DCP1A: variants seen among roughly 807,000 people sequenced by gnomAD.
DCP1A encodes decapping mRNA 1A.
In DCP1A, 20 loss-of-function variants were observed where a neutral mutation model predicts 58.0. The observed-to-expected ratio is 0.34, with a 90% CI of 0.24 to 0.50. The LOEUF (loss-of-function observed/expected upper bound fraction) is 0.50, where lower values mean the gene tolerates loss of function less well. Ranked by LOEUF, DCP1A falls within the 20% of genes least tolerant of loss-of-function variation. The pLI, the probability that DCP1A is intolerant of heterozygous loss-of-function variation, is 0.98. For missense variants in DCP1A, 613 were observed against 712.2 expected, an observed-to-expected ratio of 0.86 and a Z score of 1.59; for synonymous variants, 285 against 275.1, an observed-to-expected ratio of 1.04 and a Z score of -0.36.
At chr3:53,320,965 C>T (rs1176343808) in intron 3 of DCP1A, among the ~76,000 whole-genome samples, 1 of 152,248 alleles carries the variant, frequency 6.6e-6, no homozygotes, top group Non-Finnish European at 1.5e-5. Context: ...AAGGGAGACG[C>T]AGAAGTCCCC....
At chr3:53,336,671 G>A (rs1398145956) in intron 3 of DCP1A, among the ~76,000 whole-genome samples, 1 of 152,078 alleles carries the variant, frequency 6.6e-6, no homozygotes, top group Non-Finnish European at 1.5e-5. Context: ...ATCTACATTT[G>A]CTTCTGCCAG....
intron 6 of DCP1A, 144 bp from the exon 7 acceptor site, chr3:53,292,971 T>A: frequency 1.2e-6 from 1 of 805,606 alleles, no homozygotes; most frequent in Non-Finnish European, 1.9e-6. Flanking sequence ...GAAGATATAC[T>A]AAGGATTAAG....
At chr3:53,301,665 A>G (rs997560332) in intron 6 of DCP1A, among the ~76,000 whole-genome samples, 9 of 152,220 alleles carry the variant, frequency 5.9e-5, no homozygotes, top group African/African-American at 2.2e-4. Context: ...TAGGAGCTTT[A>G]TTTGTAATAA....
chr3:53,347,364 A>C lies in DCP1A; in HGVS notation c.135+19T>G. 3 of 1,547,492 alleles carry C rather than the reference A, an allele frequency of 1.9e-6. No homozygotes were observed. Among genetic ancestry groups the C allele is most frequent in the Non-Finnish European group, 8.7e-7 (1 of 1,147,788 alleles). ...CGGCAGCGGCCGGGTGGCCGTCCTC[A>C]GGGCCAGGCGGCACTCACCCACTGG... On this transcript the variant is annotated intron_variant, in intron 1 of 9. Coordinates refer to ENST00000610213, the MANE Select transcript of DCP1A (RefSeq NM_018403.7).
chr3:53,296,143 C>T (rs1707118787), intron 6 of DCP1A, among the ~76,000 whole-genome samples: 1 of 152,116 alleles, frequency 6.6e-6, no homozygotes, highest in Admixed American at 6.6e-5. Context: ...GATCTGCGTG[C>T]CGCGGCCTCC....
At chr3:53,301,943 C>T (rs1039655557) in intron 6 of DCP1A, among the ~76,000 whole-genome samples, 1 of 152,054 alleles carries the variant, frequency 6.6e-6, no homozygotes, top group African/African-American at 2.4e-5. Context: ...CAGGGCTAAA[C>T]GATGGCGGGA....
intron 1 of DCP1A, 100 bp downstream of exon 1, chr3:53,347,283 T>C: frequency 7.4e-7 from 1 of 1,353,756 alleles, no homozygotes; most frequent in Non-Finnish European, 9.6e-7. Context: ...TCCACCGCCC[T>C]GGCCTCTTAG....
Position 53,284,366 on chromosome 3 carries a change from T to C in DCP1A, c.*3214A>G, listed in dbSNP as rs1706545850. On this transcript the variant is annotated 3_prime_UTR_variant, in exon 10 of 10. Coordinates refer to ENST00000610213, the MANE Select transcript of DCP1A (RefSeq NM_018403.7). Reference sequence around the variant, plus strand: ...GGGGGAGGAGAGTAATAAAGCTGCATGGTTTAAAAATTTACCTAGTAGTGG... The same window carrying C: ...GGGGGAGGAGAGTAATAAAGCTGCACGGTTTAAAAATTTACCTAGTAGTGG... 1 of 152,172 alleles carries C rather than the reference T, an allele frequency of 6.6e-6. No homozygotes were observed. The highest frequency in any genetic ancestry group is 1.5e-5 in the Non-Finnish European group (1 of 68,032). 9.4% of individuals were successfully genotyped at this position (152,172 alleles called of 1,614,324 possible). A position where few individuals can be genotyped will look rare whatever the true frequency, so the allele number is the denominator to read the frequency against.
intron 3 of DCP1A, among the ~76,000 whole-genome samples, chr3:53,333,729 T>G (rs2089058485): frequency 6.6e-6 from 1 of 152,204 alleles, no homozygotes; most frequent in Non-Finnish European, 1.5e-5. Context: ...AACATTCAGT[T>G]TGCAATTCTG....
At chr3:53,305,836 ATAT>A (rs1378406151) in intron 5 of DCP1A, among the ~76,000 whole-genome samples, 2 of 152,268 alleles carry the variant, frequency 1.3e-5, no homozygotes, top group East Asian at 1.9e-4. Flanking sequence ...AATTGTACTA[ATAT>A]TATTAAGTTA....
intron 5 of DCP1A, among the ~76,000 whole-genome samples, chr3:53,311,541 A>G (rs1707645306): frequency 6.6e-6 from 1 of 152,226 alleles, no homozygotes; most frequent in Non-Finnish European, 1.5e-5. Context: ...TTTATAAACT[A>G]AAATGCACAA....
chr3:53,315,849 G>A (rs948414650), intron 4 of DCP1A, among the ~76,000 whole-genome samples: 1 of 149,360 alleles, frequency 6.7e-6, no homozygotes, highest in Non-Finnish European at 1.5e-5. Flanking sequence ...CGCTTCCCGG[G>A]TTCACGCCAT....
At chr3:53,323,705 T>C (rs1021044537) in intron 3 of DCP1A, among the ~76,000 whole-genome samples, 5 of 151,604 alleles carry the variant, frequency 3.3e-5, no homozygotes, top group Non-Finnish European at 5.9e-5. Context: ...CTACTAAAAA[T>C]ACAAAAATTA....
chr3:53,294,116 C>A (rs946343135), intron 6 of DCP1A, among the ~76,000 whole-genome samples: 1 of 152,136 alleles, frequency 6.6e-6, no homozygotes, highest in South Asian at 2.1e-4. Context: ...AGAGAAGAAG[C>A]GGGCAGACTG....
At chr3:53,338,148 G>C (rs1182017235) in intron 3 of DCP1A, 3 of 448,334 alleles carry the variant, frequency 6.7e-6, no homozygotes, top group East Asian at 7.0e-5. Flanking sequence ...TTCTCAACCT[G>C]TAAGTTGAGG....
intron 2 of DCP1A, among the ~76,000 whole-genome samples, chr3:53,343,018 A>G (rs1478685991): frequency 6.6e-6 from 1 of 152,188 alleles, no homozygotes; most frequent in Non-Finnish European, 1.5e-5. Context: ...GAATCCTACA[A>G]TAGGAAACAT....
chr3:53,343,199 A>G (rs1339974517), intron 2 of DCP1A, among the ~76,000 whole-genome samples: 1 of 152,226 alleles, frequency 6.6e-6, no homozygotes, highest in South Asian at 2.1e-4. Flanking sequence ...GCCTGAGGTC[A>G]CACAAATAAT....
At chr3:53,335,086 G>GGTGT (rs140454902) in intron 3 of DCP1A, among the ~76,000 whole-genome samples, 7 of 145,190 alleles carry the variant, frequency 4.8e-5, no homozygotes, top group Non-Finnish European at 1.1e-4. Flanking sequence ...AATGTGTCTG[G>GGTGT]GTGTGTGTGT....
intron 3 of DCP1A, among the ~76,000 whole-genome samples, chr3:53,328,219 G>T (rs1220010495): frequency 6.6e-6 from 1 of 152,100 alleles, no homozygotes; most frequent in East Asian, 1.9e-4. Context: ...CCAGCACACT[G>T]AACCTGAAGG....
Sources: gnomAD v4.1 joint callset for allele counts (sites outside exome capture counted in the v4.1 genomes callset) on GRCh38, gnomAD v4.1.1 for gene constraint, MANE v1.5 for transcripts, NCBI Gene and HGNC (gene_info 2026-07-23, HGNC 2026-07-21) for gene names.